Variants in SPOCK1 observed in about 807,000 individuals in gnomAD.
SPOCK1 encodes the protein testican-1.
A neutral mutation model predicts 55.3 loss-of-function variants in SPOCK1; 23 were observed. The ratio of observed to expected loss-of-function variants is 0.42; its 90% confidence interval spans 0.30 to 0.59. The LOEUF (loss-of-function observed/expected upper bound fraction) is 0.59. SPOCK1 is among the 20% of genes least tolerant of loss of function. The pLI is 0.22. For missense variants in SPOCK1, 499 were observed against 552.5 expected (o/e 0.90, Z 0.97); for synonymous variants, 226 against 221.0 (o/e 1.02, Z -0.20).
intron 5 of SPOCK1, among the ~76,000 whole-genome samples, chr5:137,102,082 ACTG>A: frequency 6.6e-6 from 1 of 152,148 alleles, no homozygotes; most frequent in Non-Finnish European, 1.5e-5. Context: ...TTAAAATGTG[ACTG>A]GGTGGTATAC....
chr5:137,025,385 G>A (rs575465254), intron 6 of SPOCK1, among the ~76,000 whole-genome samples: 16 of 152,216 alleles, frequency 1.1e-4, no homozygotes, highest in African/African-American at 3.8e-4. Context: ...CAGCAACAGT[G>A]GGAAATAATC....
intron 2 of SPOCK1, among the ~76,000 whole-genome samples, chr5:137,269,206 A>C (rs1300643878): frequency 2.0e-5 from 3 of 152,222 alleles, no homozygotes. Context: ...ATTGCTGCCA[A>C]AATGTGAAAG....
chr5:137,448,042 G>A (rs1227352129), intron 2 of SPOCK1, among the ~76,000 whole-genome samples: 1 of 152,186 alleles, frequency 6.6e-6, no homozygotes, highest in African/African-American at 2.4e-5. Flanking sequence ...GAGGTCAGCA[G>A]TTCGAGACCA....
At chr5:137,076,607 T>TAAAAAAAAAAAAAAAAAA (rs35285273) in intron 5 of SPOCK1, among the ~76,000 whole-genome samples, 4 of 112,670 alleles carry the variant, frequency 3.6e-5, no homozygotes, top group Non-Finnish European at 7.5e-5. Context: ...GGACTGAAAG[T>TAAAAAAAAAAAAAAAAAA]AAAAAAAAAA....
chr5:137,295,784 G>A (rs545353368), intron 2 of SPOCK1, among the ~76,000 whole-genome samples: 3 of 151,736 alleles, frequency 2.0e-5, no homozygotes, highest in Non-Finnish European at 4.4e-5. Context: ...AATATGAGTG[G>A]AGTTATATAT....
intron 2 of SPOCK1, among the ~76,000 whole-genome samples, chr5:137,324,473 A>T (rs1758037530): frequency 6.6e-6 from 1 of 152,120 alleles, no homozygotes. Flanking sequence ...AAATCTTACA[A>T]ATGGATGAAC....
At chr5:137,275,520 G>A (rs1315009987) in intron 2 of SPOCK1, among the ~76,000 whole-genome samples, 3 of 152,204 alleles carry the variant, frequency 2.0e-5, no homozygotes, top group African/African-American at 7.2e-5. Flanking sequence ...AGTGGCTGGA[G>A]TGTAGCCTCC....
intron 2 of SPOCK1, among the ~76,000 whole-genome samples, chr5:137,271,031 A>ATTAT (rs71583276): frequency 3.7e-4 from 56 of 151,322 alleles, no homozygotes; most frequent in African/African-American, 1.3e-3. Context: ...TAATTAATTA[A>ATTAT]TTTTTAAAAA....
chr5:137,129,750 T>C (rs1317982953), intron 4 of SPOCK1, among the ~76,000 whole-genome samples: 1 of 152,156 alleles, frequency 6.6e-6, no homozygotes, highest in Non-Finnish European at 1.5e-5. Context: ...ATAGATAGAA[T>C]AGGGAAAGTC....
At chr5:137,363,405 G>A (rs1197973627) in intron 2 of SPOCK1, among the ~76,000 whole-genome samples, 2 of 152,192 alleles carry the variant, frequency 1.3e-5, no homozygotes, top group Non-Finnish European at 2.9e-5. Flanking sequence ...GAGTGCGGAG[G>A]CCAAGAAACA....
intron 7 of SPOCK1, among the ~76,000 whole-genome samples, chr5:136,990,609 C>T (rs998253933): frequency 3.4e-5 from 5 of 148,024 alleles, no homozygotes; most frequent in Non-Finnish European, 3.0e-5. Flanking sequence ...CTTCTTTGAT[C>T]GAATGTCATG....
In SPOCK1 at chr5:137,327,500, A is replaced by G. The variant is rs550112432; in HGVS notation, c.187-60445T>C. ...CCAATACAACTATATCTATTTTGCCATCAGGGAAACTGAGATACCAGTGGT... is the reference window on the plus strand; with the variant it reads ...CCAATACAACTATATCTATTTTGCCGTCAGGGAAACTGAGATACCAGTGGT... On this transcript the variant is annotated intron_variant, in intron 2 of 10. Coordinates refer to ENST00000394945, the MANE Select transcript of SPOCK1 (RefSeq NM_004598.4). 4.6e-5 allele frequency among the ~76,000 whole-genome samples: 7 copies of G among 152,354 alleles called. No homozygotes were observed. In the South Asian group the frequency reaches 1.2e-3, roughly 27 times the overall value.
chr5:136,989,646 A>T (rs1481833145), intron 7 of SPOCK1, among the ~76,000 whole-genome samples: 2 of 152,172 alleles, frequency 1.3e-5, no homozygotes, highest in East Asian at 3.9e-4. Context: ...ATACAATTGT[A>T]GAATGGAGAT....
At chr5:137,036,606 G>A (rs1051262660) in intron 6 of SPOCK1, among the ~76,000 whole-genome samples, 22 of 152,198 alleles carry the variant, frequency 1.4e-4, no homozygotes, top group Non-Finnish European at 3.1e-4. Flanking sequence ...ATGAGTGATT[G>A]CCATTCTCTC....
At chr5:137,273,216 C>T (rs1258592286) in intron 2 of SPOCK1, among the ~76,000 whole-genome samples, 1 of 152,118 alleles carries the variant, frequency 6.6e-6, no homozygotes, top group African/African-American at 2.4e-5. Context: ...AAATTGCATC[C>T]CTTGGATATA....
At chr5:137,219,518 G>A (rs1755804921) in intron 3 of SPOCK1, among the ~76,000 whole-genome samples, 1 of 152,176 alleles carries the variant, frequency 6.6e-6, no homozygotes, top group Non-Finnish European at 1.5e-5. Flanking sequence ...ATTCATGAAG[G>A]TAAAATTACA....
intron 3 of SPOCK1, among the ~76,000 whole-genome samples, chr5:137,164,985 G>T (rs375763160): frequency 1.3e-5 from 2 of 152,216 alleles, no homozygotes; most frequent in Non-Finnish European, 2.9e-5. Flanking sequence ...CCAGGTCCTG[G>T]GGGAACTCGC....
intron 6 of SPOCK1, among the ~76,000 whole-genome samples, chr5:137,008,299 C>T (rs866024861): frequency 7.2e-6 from 1 of 138,702 alleles, no homozygotes; most frequent in Non-Finnish European, 1.5e-5. Context: ...AATAAATACA[C>T]ACACACACAC....
intron 3 of SPOCK1, among the ~76,000 whole-genome samples, chr5:137,170,182 T>C (rs1754724890): frequency 6.6e-6 from 1 of 152,366 alleles, no homozygotes; most frequent in African/African-American, 2.4e-5. Context: ...TTACTTATGA[T>C]ACAATGTAAA....
Sources: gnomAD v4.1 joint callset for allele counts (sites outside exome capture counted in the v4.1 genomes callset) on GRCh38, gnomAD v4.1.1 for gene constraint, MANE v1.5 for transcripts, NCBI Gene and HGNC (gene_info 2026-07-23, HGNC 2026-07-21) for gene names.